RARB: variants seen among roughly 807,000 people sequenced by gnomAD.
RARB encodes the protein retinoic acid receptor beta.
Under a neutral mutation model 51.9 loss-of-function variants are expected in RARB, and 17 were observed. The ratio of observed to expected loss-of-function variants is 0.33; its 90% CI spans 0.22 to 0.49. The LOEUF (loss-of-function observed/expected upper bound fraction) is 0.49. Among genes scored for constraint, RARB ranks in the 20% least tolerant of loss-of-function variants. The pLI, the probability that RARB is intolerant of heterozygous loss-of-function variation, is 0.99. For missense variants in RARB, 369 were observed against 550.8 expected (o/e 0.67, Z 3.30); for synonymous variants, 215 against 195.4 (o/e 1.10, Z -0.84).
chr3:24,935,939 G>A (rs1337490755), intron 2 of RARB, among the ~76,000 whole-genome samples: 2 of 152,054 alleles, frequency 1.3e-5, no homozygotes, highest in African/African-American at 4.8e-5. Context: ...GCACAGAGTA[G>A]GTAAATTTTG....
chr3:25,136,756 G>A (rs1176007408), intron 4 of RARB, among the ~76,000 whole-genome samples: 1 of 151,996 alleles, frequency 6.6e-6, no homozygotes, highest in Non-Finnish European at 1.5e-5. Flanking sequence ...AAAGGATGGG[G>A]GGAGAGTTTG....
intron 2 of RARB, among the ~76,000 whole-genome samples, chr3:24,889,486 T>A (rs970792212): frequency 6.6e-6 from 1 of 152,176 alleles, no homozygotes; most frequent in Non-Finnish European, 1.5e-5. Context: ...AGGCAAACCA[T>A]AATTTTATTT....
intron 5 of RARB, among the ~76,000 whole-genome samples, chr3:25,414,762 T>C (rs1707655899): frequency 1.3e-5 from 2 of 152,256 alleles, no homozygotes; most frequent in Non-Finnish European, 2.9e-5. Flanking sequence ...CAATAAGAGT[T>C]GGAAGAAGGG....
chr3:25,122,046 A>G (rs1236566010), intron 3 of RARB, among the ~76,000 whole-genome samples: 1 of 152,200 alleles, frequency 6.6e-6, no homozygotes, highest in Non-Finnish European at 1.5e-5. Flanking sequence ...TCAAAAGTTG[A>G]GTCAATGTAT....
chr3:25,115,733 C>T (rs190408818), intron 3 of RARB, among the ~76,000 whole-genome samples: 4 of 151,736 alleles, frequency 2.6e-5, no homozygotes, highest in Admixed American at 2.6e-4. Context: ...ACCATCATGG[C>T]TCATTGCAGC....
intron 2 of RARB, among the ~76,000 whole-genome samples, chr3:25,500,351 T>G (rs570911506): frequency 6.6e-6 from 1 of 152,248 alleles, no homozygotes; most frequent in African/African-American, 2.4e-5. Flanking sequence ...TAAATTGTAT[T>G]TTAAATGTTG....
chr3:24,956,663 C>T (rs1404601389), intron 2 of RARB, among the ~76,000 whole-genome samples: 5 of 152,148 alleles, frequency 3.3e-5, no homozygotes, highest in Non-Finnish European at 7.4e-5. Flanking sequence ...AACAGGGTCA[C>T]ATGTATGAAA....
At chr3:25,226,038 A>G (rs940271653) in intron 5 of RARB, among the ~76,000 whole-genome samples, 2 of 152,218 alleles carry the variant, frequency 1.3e-5, no homozygotes, top group African/African-American at 4.8e-5. Flanking sequence ...ATTATAATTG[A>G]TAAAGGCAAC....
intron 2 of RARB, among the ~76,000 whole-genome samples, chr3:24,866,402 T>A (rs149450291): frequency 6.6e-6 from 1 of 152,110 alleles, no homozygotes; most frequent in South Asian, 2.1e-4. Flanking sequence ...TAAACTGACA[T>A]GTATACAGGG....
At chr3:24,852,752 G>A (rs1372952221) in intron 1 of RARB, among the ~76,000 whole-genome samples, 2 of 152,108 alleles carry the variant, frequency 1.3e-5, no homozygotes, top group Admixed American at 6.5e-5. Context: ...AGACATAAAC[G>A]ACAACAAATA....
At chr3:25,147,892 C>T (rs968084726) in intron 4 of RARB, among the ~76,000 whole-genome samples, 1 of 152,196 alleles carries the variant, frequency 6.6e-6, no homozygotes, top group African/African-American at 2.4e-5. Flanking sequence ...ATATTGTCTC[C>T]CTCTTCTTCC....
intron 3 of RARB, among the ~76,000 whole-genome samples, chr3:25,514,261 C>A (rs1052689631): frequency 6.6e-6 from 1 of 152,144 alleles, no homozygotes; most frequent in African/African-American, 2.4e-5. Context: ...TCTCTTCTCC[C>A]TCTGCTATCA....
intron 5 of RARB, among the ~76,000 whole-genome samples, chr3:25,189,605 G>T (rs1410921497): frequency 6.6e-6 from 1 of 152,060 alleles, no homozygotes; most frequent in Non-Finnish European, 1.5e-5. Context: ...CTCAGTTGTT[G>T]GGCTGGCATG....
intron 5 of RARB, among the ~76,000 whole-genome samples, chr3:25,238,295 A>G (rs1702351609): frequency 6.6e-6 from 1 of 152,020 alleles, no homozygotes; most frequent in South Asian, 2.1e-4. Context: ...TAACATAAGG[A>G]CCTCCAATTC....
rs1702574075 is a variant in RARB at position 25,246,865 on chromosome 3, T to A, written c.178+72290T>A. ...TCAAGCCCTGTGCTGGGAGATCCACTGCTCTCTTTACAGCCAGCAAGCAGA... is the reference window on the plus strand; with the variant it reads ...TCAAGCCCTGTGCTGGGAGATCCACAGCTCTCTTTACAGCCAGCAAGCAGA... On this transcript the variant is annotated intron_variant, in intron 5 of 11. Coordinates refer to the RARB transcript ENST00000383772. Among the ~76,000 whole-genome samples the A allele has an allele frequency of 2.0e-5, 3 of 152,332 alleles. No homozygotes were observed. In the South Asian group the frequency reaches 6.2e-4, roughly 32 times the overall value.
At position 25,110,238 on chromosome 3, in the gene RARB, G is replaced by A. The variant is rs1480019020; in HGVS notation, c.-327-21923G>A. On this transcript the variant is annotated intron_variant, in intron 3 of 11. Coordinates refer to the RARB transcript ENST00000383772. ...TACATGTCAATGTGTCTTAGTTTAC[G>A]CTTGTTTATAGGTGTTGCTTTTGCT... Among the ~76,000 whole-genome samples, 4 of 152,128 alleles carry A rather than the reference G, an allele frequency of 2.6e-5. No individual in the cohort carries two copies. In the East Asian group the frequency reaches 5.8e-4, roughly 22 times the overall value.
At chr3:25,404,175 A>T (rs756647908) in intron 5 of RARB, among the ~76,000 whole-genome samples, 8 of 152,126 alleles carry the variant, frequency 5.3e-5, no homozygotes, top group Non-Finnish European at 8.8e-5. Context: ...GTTGCTTTAC[A>T]CTTTTTTCAG....
At chr3:25,036,007 T>G (rs139708979) in intron 2 of RARB, among the ~76,000 whole-genome samples, 1 of 152,288 alleles carries the variant, frequency 6.6e-6, no homozygotes, top group East Asian at 1.9e-4. Context: ...TGTAGGAAAT[T>G]GCTGTTTTTA....
intron 4 of RARB, among the ~76,000 whole-genome samples, chr3:25,137,173 C>G (rs1700042218): frequency 6.6e-6 from 1 of 151,970 alleles, no homozygotes; most frequent in South Asian, 2.1e-4. Context: ...AAAGATTTCT[C>G]ACTGTGGCTG....
Sources: allele counts gnomAD v4.1 joint callset (sites outside exome capture counted in the v4.1 genomes callset), GRCh38; gene constraint gnomAD v4.1.1; transcripts MANE v1.5; gene names NCBI Gene and HGNC (gene_info 2026-07-23, HGNC 2026-07-21).